PCDH15: variants seen among roughly 807,000 people sequenced by gnomAD.
The protein encoded by PCDH15 is protocadherin-15.
Under a neutral mutation model 178.5 loss-of-function variants are expected in PCDH15, and 129 were observed. That is an observed-to-expected ratio of 0.72 (90% CI 0.63 to 0.84). PCDH15 has a LOEUF of 0.84. Ranked by LOEUF, PCDH15 falls within the 40% of genes least tolerant of loss-of-function variation. The pLI, the probability that PCDH15 is intolerant of heterozygous loss-of-function variation, is 0.00. For synonymous variants in PCDH15, 800 were observed against 732.0 expected (o/e 1.09, Z -1.50); for missense variants, 2,230 against 2,099.9 (o/e 1.06, Z -1.21).
At chr10:55,387,510 A>C (rs958202751) in intron 2 of PCDH15, among the ~76,000 whole-genome samples, 31 of 152,226 alleles carry the variant, frequency 2.0e-4, no homozygotes, top group South Asian at 1.2e-3. Context: ...ACATAACAAC[A>C]GTTGGATAGT....
At chr10:55,309,820 T>C (rs571292197) in intron 1 of PCDH15, among the ~76,000 whole-genome samples, 1 of 152,282 alleles carries the variant, frequency 6.6e-6, no homozygotes, top group South Asian at 2.1e-4. Flanking sequence ...CAGGTTAAAA[T>C]CAATCCTTTA....
Position 53,995,663 on chromosome 10 carries a change from C to T in PCDH15, c.2854G>A (p.Asp952Asn), listed in dbSNP as rs953399602. ...GTPITTVYAEDADPPGLPASR... is the reference protein window; with the variant it reads ...GTPITTVYAENADPPGLPASR... ...CTTCTACTTACAGGAGGGTCTGCAT[C>T]TTCAGCATAAACTGTTGTGATAGGT... The change falls in exon 21 of 38, where the codon GAT becomes AAT. Residue 952 changes from aspartate (D) to asparagine (N), a missense_variant. Physicochemically the swap from Asp to Asn is conservative, Grantham distance 23 (BLOSUM62 1). Transcript: ENST00000644397. The T allele has an allele frequency of 2.2e-5, 35 of 1,613,832 alleles. No individual in the cohort carries two copies. Among genetic ancestry groups the T allele is most frequent in the Non-Finnish European group, 3.0e-5 (35 of 1,179,838 alleles).
At chr10:54,979,563 G>A (rs758194084) in intron 2 of PCDH15, among the ~76,000 whole-genome samples, 4 of 151,308 alleles carry the variant, frequency 2.6e-5, no homozygotes, top group Non-Finnish European at 5.9e-5. Context: ...CAACTACTAG[G>A]GAGACTGAGG....
At chr10:53,995,420 T>C (rs2091780766) in intron 21 of PCDH15, 1 of 625,984 alleles carries the variant, frequency 1.6e-6, no homozygotes, top group Admixed American at 3.0e-5. Context: ...AATTAGTACA[T>C]TGTGCATTCT....
chr10:53,949,579 A>T (rs2384327), intron 23 of PCDH15, among the ~76,000 whole-genome samples: 101,714 of 149,610 alleles, frequency 0.68, 34,648 homozygotes, highest in East Asian at 0.87. Context: ...CAAAATAATT[A>T]AAAAAAAAAT....
chr10:55,307,957 G>A (rs970107780), intron 1 of PCDH15, among the ~76,000 whole-genome samples: 1 of 151,866 alleles, frequency 6.6e-6, no homozygotes, highest in African/African-American at 2.4e-5. Context: ...AAACAAATTA[G>A]AAATTTTTAT....
At chr10:54,706,995 A>T (rs998068498) in intron 1 of PCDH15, among the ~76,000 whole-genome samples, 6 of 152,206 alleles carry the variant, frequency 3.9e-5, no homozygotes, top group African/African-American at 1.4e-4. Flanking sequence ...AATCTTCATG[A>T]TGTTATACAG....
intron 2 of PCDH15, among the ~76,000 whole-genome samples, chr10:55,058,769 T>G (rs1841364869): frequency 6.6e-6 from 1 of 152,200 alleles, no homozygotes; most frequent in Non-Finnish European, 1.5e-5. Context: ...AGGTCACTTA[T>G]GGAGGCTAGT....
At chr10:54,059,337 A>C (rs1454502443) in intron 18 of PCDH15, among the ~76,000 whole-genome samples, 1 of 152,206 alleles carries the variant, frequency 6.6e-6, no homozygotes, top group Non-Finnish European at 1.5e-5. Flanking sequence ...TACTGTTGGG[A>C]GTATGCACAA....
intron 32 of PCDH15, chr10:53,822,946 T>G (rs2076398202): frequency 6.2e-7 from 1 of 1,614,082 alleles, no homozygotes; most frequent in Admixed American, 1.7e-5. Flanking sequence ...AGATCTATGA[T>G]CTCTGGTCTA....
intron 8 of PCDH15, among the ~76,000 whole-genome samples, chr10:54,302,773 T>A (rs990119724): frequency 6.6e-6 from 1 of 152,178 alleles, no homozygotes; most frequent in African/African-American, 2.4e-5. Flanking sequence ...AGTAGGTCGC[T>A]CCTCCTTTGA....
intron 2 of PCDH15, among the ~76,000 whole-genome samples, chr10:54,528,970 A>T (rs1452037549): frequency 3.3e-5 from 5 of 152,050 alleles, no homozygotes; most frequent in African/African-American, 1.2e-4. Context: ...AGAGAGGGCT[A>T]TGTCATGCAG....
At chr10:54,219,592 CA>C (rs763785938) in intron 9 of PCDH15, among the ~76,000 whole-genome samples, 4,511 of 32,676 alleles carry the variant, frequency 0.14, 121 homozygotes, top group African/African-American at 0.32. Flanking sequence ...GACTCCATCT[CA>C]AAAAAAAAAA....
Position 54,297,331 on chromosome 10 carries a change from C to T in PCDH15, c.876+19940G>A, listed in dbSNP as rs184341819. On this transcript the variant is annotated intron_variant, in intron 8 of 37. Coordinates refer to ENST00000644397, the MANE Select transcript of PCDH15 (RefSeq NM_001384140.1). ...GCTCATTTTTTTCTGCACTATGGCT[C>T]GGCCACAATATTATCTCTCTGTTGG... is the stretch of plus-strand genomic sequence containing the variant. Among the ~76,000 whole-genome samples, 245 of 152,184 alleles carry T rather than the reference C, an allele frequency of 1.6e-3. 1 individual carries two copies. Among genetic ancestry groups the T allele is most frequent in the African/African-American group, 3.5e-3 (147 of 41,520 alleles).
chr10:54,975,682 G>C (rs1267862064), intron 2 of PCDH15, among the ~76,000 whole-genome samples: 1 of 152,070 alleles, frequency 6.6e-6, no homozygotes, highest in African/African-American at 2.4e-5. Flanking sequence ...CTTCTAAAAA[G>C]TAAGGTCACA....
chr10:53,888,339 T>TATATATATAC (rs2081288903), intron 26 of PCDH15, among the ~76,000 whole-genome samples: 2 of 109,560 alleles, frequency 1.8e-5, no homozygotes, highest in African/African-American at 3.6e-5. Context: ...TATGTACGTA[T>TATATATATAC]ATATATATAC....
In PCDH15 at chr10:55,027,131, T is replaced by C. The variant is rs1242450554; in HGVS notation, c.-79-129631A>G. ...GATAACAAGCAAATTTTTAAAATAG[T>C]TTTTAAATCATGAAAAATAAGATAA... On this transcript the variant is annotated intron_variant, in intron 2 of 5. Transcript: ENST00000458638. Among the ~76,000 whole-genome samples the C allele has an allele frequency of 2.2e-5, 3 of 134,410 alleles. No homozygotes were observed. In the Admixed American group the frequency reaches 2.3e-4, roughly 10 times the overall value. The allele number at this position is 134,410 out of a possible 152,430, so 88.2% of individuals were successfully genotyped here.
At chr10:54,795,706 C>G (rs1352467599) in intron 1 of PCDH15, among the ~76,000 whole-genome samples, 4 of 151,808 alleles carry the variant, frequency 2.6e-5, no homozygotes, top group African/African-American at 9.7e-5. Context: ...GAAAATAATA[C>G]CTGAGTTTTC....
intron 2 of PCDH15, among the ~76,000 whole-genome samples, chr10:55,391,897 G>A (rs751766428): frequency 5.3e-5 from 8 of 152,092 alleles, no homozygotes; most frequent in South Asian, 2.1e-4. Flanking sequence ...TCTACATGTC[G>A]TTCTCCTTAA....
Sources: allele counts gnomAD v4.1 joint callset (sites outside exome capture counted in the v4.1 genomes callset), GRCh38; gene constraint gnomAD v4.1.1; transcripts MANE v1.5; gene names NCBI Gene and HGNC (gene_info 2026-07-23, HGNC 2026-07-21).